Variants in RELL1 observed in about 807,000 individuals in gnomAD.
The protein encoded by RELL1 is RELT like 1.
Under a neutral mutation model 23.0 loss-of-function variants are expected in RELL1, and 10 were observed. The observed-to-expected ratio is 0.43, with a 90% CI of 0.27 to 0.74. The LOEUF (loss-of-function observed/expected upper bound fraction) is 0.74. RELL1 is among the 30% of genes least tolerant of loss of function. The pLI is 0.19. For missense variants in RELL1, 315 were observed against 364.4 expected (o/e 0.86, Z 1.10); for synonymous variants, 146 against 146.8 (o/e 0.99, Z 0.04).
chr4:37,675,431 T>C (rs987989956), intron 1 of RELL1, among the ~76,000 whole-genome samples: 1 of 152,162 alleles, frequency 6.6e-6, no homozygotes, highest in African/African-American at 2.4e-5. Flanking sequence ...TTTCCACATC[T>C]CCACAGAACA....
downstream of RELL1, chr4:37,589,009 C>A: frequency 1.3e-6 from 1 of 748,424 alleles, no homozygotes; most frequent in Non-Finnish European, 2.4e-6. Flanking sequence ...GGGGCATGAT[C>A]AACATTGCCA....
intron 6 of RELL1, among the ~76,000 whole-genome samples, chr4:37,630,443 C>T (rs556464214): frequency 1.2e-4 from 17 of 142,048 alleles, no homozygotes; most frequent in Admixed American, 9.2e-4. Flanking sequence ...CGGCTCACTG[C>T]AAGCTCCGCC....
At chr4:37,588,251 G>C (rs1718418899), downstream of RELL1, 1 of 152,438 alleles carries the variant, frequency 6.6e-6, no homozygotes, top group African/African-American at 2.4e-5. Flanking sequence ...ACAAATCATA[G>C]CTGAGATTGG....
chr4:37,615,808 G>A (rs538902264), intron 6 of RELL1, among the ~76,000 whole-genome samples: 1 of 152,260 alleles, frequency 6.6e-6, no homozygotes, highest in East Asian at 1.9e-4. Context: ...AGATTTATCT[G>A]GAACAAAGGA....
At chr4:37,590,199 A>C (rs750963782), downstream of RELL1, 1 of 1,614,252 alleles carries the variant, frequency 6.2e-7, no homozygotes, top group South Asian at 1.1e-5. Flanking sequence ...GGAGCAGTGA[A>C]GTCTTGGTGC....
At chr4:37,615,101 G>A (rs1038850277) in intron 6 of RELL1, among the ~76,000 whole-genome samples, 4 of 152,124 alleles carry the variant, frequency 2.6e-5, no homozygotes, top group East Asian at 1.9e-4. Flanking sequence ...TATGCACAAC[G>A]CTTAATACGA....
chr4:37,661,324 C>A (rs10033272), intron 1 of RELL1, among the ~76,000 whole-genome samples: 150,466 of 152,226 alleles, frequency 0.99, 74,386 homozygotes, highest in Middle Eastern at 1. Flanking sequence ...CTGTCACCTA[C>A]GCCAGAGTGC....
chr4:37,614,419 G>A (rs1719506702), intron 6 of RELL1, among the ~76,000 whole-genome samples: 2 of 152,064 alleles, frequency 1.3e-5, no homozygotes, highest in South Asian at 4.1e-4. Context: ...GATGAGTAAA[G>A]GACCTTTATC....
At chr4:37,598,044 A>G (rs1047372895) in intron 6 of RELL1, among the ~76,000 whole-genome samples, 2 of 141,510 alleles carry the variant, frequency 1.4e-5, no homozygotes, top group African/African-American at 5.2e-5. Flanking sequence ...ATATACACAT[A>G]TATATAAAAT....
Position 37,647,392 on chromosome 4 carries a change from C to T in RELL1, c.361G>A (p.Val121Ile), listed in dbSNP as rs776975272. ...CCTTCATTTTTCATGATGTAGTGGA[C>T]GATTTGCCCAACAGTGTCACTGTTT... The part of the protein sequence containing the change: ...NENSDTVGQI[V>I]HYIMKNEANA... The change falls in exon 3 of 7, where the codon GTC becomes ATC. Residue 121 changes from valine (V) to isoleucine (I), a missense_variant. By Grantham distance (29) the Val-to-Ile change is conservative. Transcript: ENST00000454158. The T allele has an allele frequency of 1.4e-5, 22 of 1,612,690 alleles. No individual in the cohort carries two copies. The highest frequency in any genetic ancestry group is 6.7e-5 in the East Asian group (3 of 44,874).
intron 1 of RELL1, among the ~76,000 whole-genome samples, chr4:37,665,662 G>T (rs992041919): frequency 2.6e-5 from 4 of 152,172 alleles, no homozygotes; most frequent in Admixed American, 6.5e-5. Flanking sequence ...AGTAGCAAGG[G>T]CCAGAAAAAA....
chr4:37,622,503 T>C (rs1342696042), intron 6 of RELL1, among the ~76,000 whole-genome samples: 1 of 152,256 alleles, frequency 6.6e-6, no homozygotes, highest in East Asian at 1.9e-4. Flanking sequence ...ATTTCAGTTC[T>C]TTTTTAAAAA....
intron 1 of RELL1, among the ~76,000 whole-genome samples, chr4:37,666,016 G>A (rs1026864586): frequency 2.6e-5 from 4 of 152,166 alleles, no homozygotes; most frequent in Admixed American, 6.5e-5. Flanking sequence ...AAAGAGAGAT[G>A]GTGACTGATG....
At chr4:37,629,810 A>G (rs1167598433) in intron 6 of RELL1, among the ~76,000 whole-genome samples, 2 of 152,176 alleles carry the variant, frequency 1.3e-5, no homozygotes, top group Non-Finnish European at 2.9e-5. Context: ...AGCTTCACCC[A>G]AAAGCCACAT....
At chr4:37,648,936 T>C (rs1720798549) in intron 2 of RELL1, among the ~76,000 whole-genome samples, 1 of 152,234 alleles carries the variant, frequency 6.6e-6, no homozygotes, top group African/African-American at 2.4e-5. Context: ...AAGGTAAGGA[T>C]TATTTTCCTC....
chr4:37,660,689 G>C (rs1170278735), intron 1 of RELL1, among the ~76,000 whole-genome samples: 1 of 152,192 alleles, frequency 6.6e-6, no homozygotes, highest in Non-Finnish European at 1.5e-5. Flanking sequence ...AACTCTAAGA[G>C]TAAGGAGATT....
intron 6 of RELL1, among the ~76,000 whole-genome samples, chr4:37,598,252 CA>C (rs56142508): frequency 4.5e-3 from 51 of 11,332 alleles, no homozygotes; most frequent in African/African-American, 0.016. Context: ...AACTCTGTCT[CA>C]AAAAAAAAAA....
chr4:37,686,348 C>G lies in RELL1; in HGVS notation c.-61G>C. ...GCGTCCCGCGCTCGGGAAGGCAGAG[C>G]CGCTCCGGAGCCGGCGGGCTGATCG... On this transcript the variant is annotated 5_prime_UTR_variant, in exon 1 of 7. Transcript: ENST00000454158. The G allele has an allele frequency of 6.1e-6, 8 of 1,318,192 alleles. No homozygotes were observed. The highest frequency in any genetic ancestry group is 1.5e-5 in the South Asian group (1 of 65,984). The allele number at this position is 1,318,192 out of a possible 1,614,324, so 81.7% of individuals were successfully genotyped here.
exon 7 of RELL1, chr4:37,590,823 T>C: frequency 6.2e-7 from 1 of 1,614,208 alleles, no homozygotes; most frequent in Non-Finnish European, 8.5e-7. Flanking sequence ...TCTGCTTTAA[T>C]GAGAAGGGTC....
Sources: gnomAD v4.1 joint callset for allele counts (sites outside exome capture counted in the v4.1 genomes callset) on GRCh38, gnomAD v4.1.1 for gene constraint, MANE v1.5 for transcripts, NCBI Gene and HGNC (gene_info 2026-07-23, HGNC 2026-07-21) for gene names.